MAF: variants seen among roughly 807,000 people sequenced by gnomAD.
MAF encodes the protein transcription factor Maf.
Under a neutral mutation model 22.0 loss-of-function variants are expected in MAF, and 10 were observed. The observed-to-expected ratio is 0.45, with a 90% CI of 0.28 to 0.77. MAF has a LOEUF of 0.77. Among genes scored for constraint, MAF ranks in the 30% least tolerant of loss-of-function variants. The probability of loss-of-function intolerance (pLI) is 0.12; values close to 1 mark genes in which losing one functional copy is unlikely to be tolerated. For synonymous variants in MAF, 337 were observed against 255.8 expected (o/e 1.32, Z -3.03); for missense variants, 544 against 548.4 (o/e 0.99, Z 0.08).
chr16:79,432,341 T>C, the MAF span, among the ~76,000 whole-genome samples: 7 of 152,190 alleles, frequency 4.6e-5, no homozygotes, highest in East Asian at 1.4e-3. Flanking sequence ...TCTCGAGTAT[T>C]TCCTTATAGC....
chr16:79,358,759 G>A, the MAF span, among the ~76,000 whole-genome samples: 1 of 152,196 alleles, frequency 6.6e-6, no homozygotes, highest in Non-Finnish European at 1.5e-5. Flanking sequence ...AAACAAGTAT[G>A]CCTCTCCAAT....
the MAF span, among the ~76,000 whole-genome samples, chr16:79,527,509 AACATTTGGTG>A: frequency 2.0e-5 from 3 of 152,190 alleles, no homozygotes; most frequent in African/African-American, 7.2e-5. Context: ...TTCTTATGCC[AACATTTGGTG>A]ACATTACAAA....
chr16:79,339,983 C>G, the MAF span, among the ~76,000 whole-genome samples: 1 of 152,286 alleles, frequency 6.6e-6, no homozygotes, highest in African/African-American at 2.4e-5. Context: ...GCAAAGCTGT[C>G]AGTTGCTGAG....
At chr16:79,549,940 G>A in the MAF span, among the ~76,000 whole-genome samples, 539 of 152,222 alleles carry the variant, frequency 3.5e-3, 2 homozygotes, top group African/African-American at 0.012. Flanking sequence ...AGGAGTTTAA[G>A]CACCAATTAA....
the MAF span, among the ~76,000 whole-genome samples, chr16:79,228,458 A>T: frequency 6.6e-6 from 1 of 152,042 alleles, no homozygotes. Flanking sequence ...CCAGGACAGG[A>T]AATGCACTGA....
At chr16:79,575,085 T>C in the MAF span, among the ~76,000 whole-genome samples, 1 of 151,790 alleles carries the variant, frequency 6.6e-6, no homozygotes, top group Non-Finnish European at 1.5e-5. Flanking sequence ...TCTTGATTCA[T>C]GTGGTCTGAG....
the MAF span, among the ~76,000 whole-genome samples, chr16:79,473,992 G>C: frequency 6.6e-6 from 1 of 152,210 alleles, no homozygotes; most frequent in South Asian, 2.1e-4. Flanking sequence ...AGTTTATTTA[G>C]TAGGGATGAG....
chr16:79,560,009 A>G, the MAF span, among the ~76,000 whole-genome samples: 5 of 152,142 alleles, frequency 3.3e-5, no homozygotes, highest in African/African-American at 4.8e-5. Context: ...GGCTCAAGCA[A>G]TCCTCCTGCT....
At chr16:79,487,808 G>A in the MAF span, among the ~76,000 whole-genome samples, 3 of 152,274 alleles carry the variant, frequency 2.0e-5, no homozygotes, top group East Asian at 3.9e-4. Flanking sequence ...GGGAATCCCC[G>A]TGGTTGCTAA....
chr16:79,573,726 T>C, the MAF span, among the ~76,000 whole-genome samples: 1 of 152,304 alleles, frequency 6.6e-6, no homozygotes. Flanking sequence ...CTTTCTAATA[T>C]ATGTCCAAAG....
In MAF at chr16:79,599,612, G is replaced by A. The variant is rs1445836770; in HGVS notation, c.291C>T (p.Tyr97=). Residue 97 remains tyrosine, a synonymous_variant, in exon 1 of 2, where the codon TAC becomes TAT. Coordinates refer to ENST00000326043, the MANE Select transcript of MAF (RefSeq NM_005360.5). Reference sequence around the variant, plus strand: ...GCGCCTCGGGGTTCAGCTGCTGCGGGTAGCCGGTCATCCAGTAGTAGTCTT... The same window carrying A: ...GCGCCTCGGGGTTCAGCTGCTGCGGATAGCCGGTCATCCAGTAGTAGTCTT... ...HLEDYYWMTG[Y]PQQLNPEALG... 8 of 1,610,568 alleles carry A rather than the reference G, an allele frequency of 5.0e-6. No homozygotes were observed. Among genetic ancestry groups the A allele is most frequent in the Non-Finnish European group, 6.8e-6 (8 of 1,179,148 alleles).
chr16:79,311,161 C>A, the MAF span, among the ~76,000 whole-genome samples: 1 of 152,094 alleles, frequency 6.6e-6, no homozygotes, highest in Non-Finnish European at 1.5e-5. Flanking sequence ...CTCCCTCCCG[C>A]AGCCCTCTCT....
At chr16:79,239,942 T>C in the MAF span, among the ~76,000 whole-genome samples, 20 of 152,020 alleles carry the variant, frequency 1.3e-4, no homozygotes, top group African/African-American at 4.6e-4. Flanking sequence ...ACACGAATGT[T>C]TTACGGATAG....
the MAF span, among the ~76,000 whole-genome samples, chr16:79,446,237 A>G: frequency 1.3e-5 from 2 of 152,200 alleles, no homozygotes; most frequent in Admixed American, 1.3e-4. Context: ...TGGTTCATAG[A>G]GCACTAGATT....
At chr16:79,357,407 G>C in the MAF span, among the ~76,000 whole-genome samples, 1 of 152,132 alleles carries the variant, frequency 6.6e-6, no homozygotes, top group African/African-American at 2.4e-5. Flanking sequence ...CCAACAGTTG[G>C]GGCAACAGAG....
At chr16:79,329,921 AACAGAC>A in the MAF span, among the ~76,000 whole-genome samples, 2 of 152,164 alleles carry the variant, frequency 1.3e-5, no homozygotes, top group African/African-American at 4.8e-5. Context: ...CAGCATAAAG[AACAGAC>A]ACACCATACA....
At chr16:79,563,132 G>A in the MAF span, among the ~76,000 whole-genome samples, 1 of 152,134 alleles carries the variant, frequency 6.6e-6, no homozygotes, top group African/African-American at 2.4e-5. Context: ...ACGGGCTGAA[G>A]GCTGTACCCA....
chr16:79,283,090 C>T, the MAF span, among the ~76,000 whole-genome samples: 2 of 152,210 alleles, frequency 1.3e-5, no homozygotes, highest in African/African-American at 4.8e-5. Flanking sequence ...GTTTCTGATT[C>T]ATCTTTGTAT....
At chr16:79,230,184 G>C in the MAF span, among the ~76,000 whole-genome samples, 1 of 152,068 alleles carries the variant, frequency 6.6e-6, no homozygotes, top group Non-Finnish European at 1.5e-5. Context: ...TAACTTTCTG[G>C]AGTTGAATTG....
Sources: gnomAD v4.1 joint callset for allele counts (sites outside exome capture counted in the v4.1 genomes callset) on GRCh38, gnomAD v4.1.1 for gene constraint, MANE v1.5 for transcripts, NCBI Gene and HGNC (gene_info 2026-07-23, HGNC 2026-07-21) for gene names.